The following SLC2A8 variants were observed in gnomAD, a reference collection of about 807,000 sequenced individuals.
SLC2A8 encodes the protein solute carrier family 2, facilitated glucose transporter member 8.
SLC2A8 carries 53 observed loss-of-function variants against 49.2 expected under a neutral mutation model. The ratio of observed to expected loss-of-function variants is 1.08; its 90% CI spans 0.86 to 1.35. SLC2A8 has a LOEUF of 1.35. SLC2A8 is among the 40% of genes most tolerant of loss of function. The pLI, the probability that SLC2A8 is intolerant of heterozygous loss-of-function variation, is 0.00. For synonymous variants in SLC2A8, 299 were observed against 297.0 expected (o/e 1.01, Z -0.07); for missense variants, 688 against 671.7 (o/e 1.02, Z -0.27).
chr9:127,400,651 T>C (rs1833249826), intron 4 of SLC2A8, among the ~76,000 whole-genome samples: 1 of 152,154 alleles, frequency 6.6e-6, no homozygotes, highest in Non-Finnish European at 1.5e-5. Context: ...AGTAAAGGGC[T>C]GAGCAAGTCC....
rs776295452 is a variant in SLC2A8 at position 127,402,545 on chromosome 9, C to G, written c.527-12C>G. 132 of 1,515,202 alleles carry G rather than the reference C, an allele frequency of 8.7e-5. No homozygotes were observed. The highest frequency in any genetic ancestry group is 1.1e-4 in the Non-Finnish European group (129 of 1,132,664). The allele number at this position is 1,515,202 out of a possible 1,614,324, so 93.9% of individuals were successfully genotyped here. ...GGCTCTGACGCCAGCCTCCTCCACC[C>G]ACCCCCCGCAGGCTGGGTGCTGGAG... On this transcript the variant is annotated splice_polypyrimidine_tract_variant and intron_variant, in intron 4 of 9. Transcript: ENST00000373371.
At position 127,407,277 on chromosome 9, in the gene SLC2A8, C is replaced by G. The variant is rs1053774745; in HGVS notation, c.*28C>G. The G allele has an allele frequency of 1.2e-6, 2 of 1,611,926 alleles. No individual in the cohort carries two copies. Among genetic ancestry groups the G allele is most frequent in the South Asian group, 2.2e-5 (2 of 91,046 alleles). On this transcript the variant is annotated 3_prime_UTR_variant, in exon 10 of 10. Coordinates refer to ENST00000373371, the MANE Select transcript of SLC2A8 (RefSeq NM_014580.5). The stretch of plus-strand genomic sequence containing the variant: ...GCCACTCACTAGGGGATGGAGCAAG[C>G]CTGTGACTCCAAGCTGGGCCCAAGC...
chr9:127,404,952 G>C lies in SLC2A8; in HGVS notation c.1111G>C (p.Ala371Pro). 2 of 1,610,284 alleles carry C rather than the reference G, an allele frequency of 1.2e-6. No individual in the cohort carries two copies. Among genetic ancestry groups the C allele is most frequent in the Non-Finnish European group, 1.7e-6 (2 of 1,179,160 alleles). Reference sequence around the variant, plus strand: ...GCCTGTTGATGCCAGCGTGGGGCTGGCCTGGCTGGCCGTGGGCAGCATGTG... The same window carrying C: ...GCCTGTTGATGCCAGCGTGGGGCTGCCCTGGCTGGCCGTGGGCAGCATGTG... ...AQPVDASVGL[A>P]WLAVGSMCLF... The change falls in exon 8 of 10, where the codon GCC becomes CCC. Residue 371 changes from alanine to proline, a missense_variant. Coordinates refer to ENST00000373371, the MANE Select transcript of SLC2A8 (RefSeq NM_014580.5).
rs1343321159 is a variant in SLC2A8, at chr9:127,398,013, G to T, written c.328G>T (p.Gly110Cys). The T allele has an allele frequency of 1.9e-6, 3 of 1,571,238 alleles. No individual in the cohort carries two copies. Among genetic ancestry groups the T allele is most frequent in the African/African-American group, 2.7e-5 (2 of 74,170 alleles). ...LLLCSVPFVA[G>C]FAVITAAQDV... ...GCTGTGCTCCGTGCCCTTCGTGGCC[G>T]GCTTTGCCGTCATCACCGCGGCCCA... The change falls in exon 3 of 10, where the codon GGC becomes TGC. Residue 110 changes from glycine to cysteine, a missense_variant. Transcript: ENST00000373371.
In SLC2A8 at chr9:127,407,450, C is replaced by T; in HGVS notation, c.*201C>T. Reference sequence around the variant, plus strand: ...TCCTGTTCCAGCTCCTGCTGCTGCTCTGAGGACTCAGGAACACCTTCGAGC... The same window carrying T: ...TCCTGTTCCAGCTCCTGCTGCTGCTTTGAGGACTCAGGAACACCTTCGAGC... On this transcript the variant is annotated 3_prime_UTR_variant, in exon 10 of 10. Transcript: ENST00000373371. 1 of 722,648 alleles carries T rather than the reference C, an allele frequency of 1.4e-6. No individual in the cohort carries two copies. The highest frequency in any genetic ancestry group is 2.5e-6 in the Non-Finnish European group (1 of 396,062). 44.8% of individuals were successfully genotyped at this position (722,648 alleles called of 1,614,324 possible). A position where few individuals can be genotyped will look rare whatever the true frequency, so the allele number is the denominator to read the frequency against.
At position 127,407,205 on chromosome 9, in the gene SLC2A8, G is replaced by T. The variant is rs764177908; in HGVS notation, c.1390G>T (p.Gly464Ter). Residue 464 changes from glycine to a stop codon, truncating the protein, a stop_gained, in exon 10 of 10, where the codon GGA becomes TGA. Transcript: ENST00000373371. LOFTEE classifies it high-confidence loss of function. ...TTTGTTCTGTGTCCCTGAAACTAAA[G>T]GAAAGACTCTGGAACAAATCACAGC... ...FTLFCVPETKGKTLEQITAHF... is the reference protein window; with the variant it reads ...FTLFCVPETK 12 of 1,613,554 alleles carry T rather than the reference G, an allele frequency of 7.4e-6. No homozygotes were observed. Among genetic ancestry groups the T allele is most frequent in the Non-Finnish European group, 1.0e-5 (12 of 1,180,012 alleles).
chr9:127,404,055 C>G lies in SLC2A8; in HGVS notation c.964C>G (p.Leu322Val). Residue 322 changes from leucine (L) to valine (V), a missense_variant, in exon 7 of 10, where the codon CTG (leucine) becomes GTG (valine). By Grantham distance (32) the Leu-to-Val change is conservative. Coordinates refer to ENST00000373371, the MANE Select transcript of SLC2A8 (RefSeq NM_014580.5). Reference protein sequence around the residue: ...IMDRAGRRLLLVLSGVVMVFS... With the variant: ...IMDRAGRRLLVVLSGVVMVFS... ...GGACAGAGCAGGGCGGAGGCTGCTC[C>G]TGGTCTTGTCAGGTGAGGGTTCACC... 1 of 1,595,262 alleles carries G rather than the reference C, an allele frequency of 6.3e-7. No individual in the cohort carries two copies. Among genetic ancestry groups the G allele is most frequent in the Non-Finnish European group, 8.6e-7 (1 of 1,166,110 alleles).
rs143366484 is a variant in SLC2A8 at position 127,407,520 on chromosome 9, C to T, written c.*271C>T. On this transcript the variant is annotated 3_prime_UTR_variant, in exon 10 of 10. Transcript: ENST00000373371. Reference sequence around the variant, plus strand: ...CCCTCCATGCGCAAGACTAAAGCAGCGGAAGAGGAGGTGGGCCTCTAGGAT... The same window carrying T: ...CCCTCCATGCGCAAGACTAAAGCAGTGGAAGAGGAGGTGGGCCTCTAGGAT... The T allele has an allele frequency of 8.8e-6, 5 of 568,518 alleles. No homozygotes were observed. The highest frequency in any genetic ancestry group is 1.6e-5 in the South Asian group (1 of 64,180). The allele number at this position is 568,518 out of a possible 1,614,324, so 35.2% of individuals were successfully genotyped here.
intron 9 of SLC2A8, 69 bp from the exon 10 acceptor site, chr9:127,407,043 G>A: frequency 6.3e-7 from 1 of 1,579,676 alleles, no homozygotes; most frequent in Non-Finnish European, 8.6e-7. Flanking sequence ...TGGCAGAGCT[G>A]TCTCAGTGAT....
At chr9:127,398,848 C>T (rs60619719) in intron 3 of SLC2A8, among the ~76,000 whole-genome samples, 44 of 152,320 alleles carry the variant, frequency 2.9e-4, no homozygotes, top group African/African-American at 1.0e-3. Flanking sequence ...CTTGGTGACC[C>T]ATGAACTGCC....
intron 3 of SLC2A8, 76 bp downstream of exon 3, chr9:127,398,187 C>A: frequency 1.4e-6 from 2 of 1,466,116 alleles, no homozygotes; most frequent in African/African-American, 1.4e-5. Flanking sequence ...GCTCCCCAGG[C>A]CTGGGGGCGC....
rs1833111613 is a variant in SLC2A8, at chr9:127,398,054, G to T, written c.369G>T (p.Leu123=). The change falls in exon 3 of 10, where the codon CTG becomes CTT. Residue 123 remains leucine (L), a synonymous_variant. Coordinates refer to ENST00000373371, the MANE Select transcript of SLC2A8 (RefSeq NM_014580.5). ...VITAAQDVWM[L]LGGRLLTGLA... ...CCGCGGCCCAGGACGTGTGGATGCTGCTGGGGGGCCGCCTCCTCACCGGCC... is the reference window on the plus strand; with the variant it reads ...CCGCGGCCCAGGACGTGTGGATGCTTCTGGGGGGCCGCCTCCTCACCGGCC... 1 of 1,588,836 alleles carries T rather than the reference G, an allele frequency of 6.3e-7. No individual in the cohort carries two copies. The highest frequency in any genetic ancestry group is 8.5e-7 in the Non-Finnish European group (1 of 1,173,796).
chr9:127,398,738 C>T (rs566364802), intron 3 of SLC2A8, among the ~76,000 whole-genome samples: 2 of 152,310 alleles, frequency 1.3e-5, no homozygotes, highest in East Asian at 3.9e-4. Context: ...CTCTGGAAAA[C>T]AGGGATTATG....
rs952437204 is a variant in SLC2A8, at chr9:127,398,065, G to C, written c.380G>C (p.Arg127Pro). 1.1e-5 allele frequency: 17 copies of C among 1,588,466 alleles called. No individual in the cohort carries two copies. The highest frequency in any genetic ancestry group is 2.7e-5 in the African/African-American group (2 of 74,538). ...GACGTGTGGATGCTGCTGGGGGGCCGCCTCCTCACCGGCCTGGCCTGCGGT... is the reference window on the plus strand; with the variant it reads ...GACGTGTGGATGCTGCTGGGGGGCCCCCTCCTCACCGGCCTGGCCTGCGGT... The part of the protein sequence containing the change: ...AQDVWMLLGG[R>P]LLTGLACGVA... Residue 127 changes from arginine to proline, a missense_variant, in exon 3 of 10, where the codon CGC becomes CCC. Arg to Pro is a moderately radical substitution (Grantham distance 103, BLOSUM62 -2). Coordinates refer to ENST00000373371, the MANE Select transcript of SLC2A8 (RefSeq NM_014580.5).
At chr9:127,404,597 C>A in intron 7 of SLC2A8, 1 of 544,350 alleles carries the variant, frequency 1.8e-6, no homozygotes, top group Non-Finnish European at 3.2e-6. Flanking sequence ...CTCCCATTTC[C>A]TCGGCCCAGA....
chr9:127,404,424 G>T (rs1331151077), intron 7 of SLC2A8: 4 of 323,600 alleles, frequency 1.2e-5, no homozygotes, highest in Non-Finnish European at 1.7e-5. Flanking sequence ...TGGGAAGTGG[G>T]GGTAATGGCA....
At position 127,402,685 on chromosome 9, in the gene SLC2A8, A is replaced by G. The variant is rs758958613; in HGVS notation, c.655A>G (p.Met219Val). The G allele has an allele frequency of 3.1e-5, 49 of 1,571,914 alleles. No homozygotes were observed. The highest frequency in any genetic ancestry group is 4.7e-5 in the South Asian group (4 of 85,906). ...GACTCAGCACAGGCGCCAGGAGGCC[A>G]TGGCCGCCCTGCGGTTCCTGTGGGG... ...LLTQHRRQEA[M>V]AALRFLWGSE... Residue 219 changes from methionine (M) to valine (V), a missense_variant, in exon 5 of 10, where the codon ATG (methionine) becomes GTG (valine). Physicochemically the swap from Met to Val is conservative, Grantham distance 21. Transcript: ENST00000373371.
At position 127,397,383 on chromosome 9, in the gene SLC2A8, C is replaced by T. The variant is rs1833065735; in HGVS notation, c.64C>T (p.Arg22Cys). 2 of 1,467,450 alleles carry T rather than the reference C, an allele frequency of 1.4e-6. No homozygotes were observed. Among genetic ancestry groups the T allele is most frequent in the Non-Finnish European group, 1.8e-6 (2 of 1,118,342 alleles). 90.9% of individuals were successfully genotyped at this position (1,467,450 alleles called of 1,614,324 possible). A position where few individuals can be genotyped will look rare whatever the true frequency, so the allele number is the denominator to read the frequency against. ...LLGPPGGSAP[R>C]GRRVFLAAFA... ...TCGGCCCTGTCCCCCCAGCGCGCCC[C>T]GCGGCCGCCGCGTCTTCCTCGCCGC... The change falls in exon 2 of 10, where the codon CGC (arginine) becomes TGC (cysteine). Residue 22 changes from arginine to cysteine, a missense_variant. Physicochemically the swap from Arg to Cys is radical, Grantham distance 180. Coordinates refer to ENST00000373371, the MANE Select transcript of SLC2A8 (RefSeq NM_014580.5).
intron 4 of SLC2A8, 108 bp from the exon 5 acceptor site, chr9:127,402,449 T>C (rs2131893881): frequency 7.0e-7 from 1 of 1,422,248 alleles, no homozygotes; most frequent in East Asian, 2.5e-5. Context: ...AGGGCAGATG[T>C]GCAGAGGCAG....
Sources: allele counts gnomAD v4.1 joint callset (sites outside exome capture counted in the v4.1 genomes callset), GRCh38; gene constraint gnomAD v4.1.1; transcripts MANE v1.5; gene names NCBI Gene and HGNC (gene_info 2026-07-23, HGNC 2026-07-21).